The following SRPK2 variants were observed in gnomAD, a reference collection of about 807,000 sequenced individuals.
SRPK2 encodes SRSF protein kinase 2, also known as SFRS protein kinase 2.
Under a neutral mutation model 90.8 loss-of-function variants are expected in SRPK2, and 21 were observed. The ratio of observed to expected loss-of-function variants is 0.23; its 90% CI spans 0.16 to 0.33. The LOEUF is 0.33. Ranked by LOEUF, SRPK2 falls within the 10% of genes least tolerant of loss-of-function variation. The pLI is 1.00. For synonymous variants in SRPK2, 288 were observed against 311.1 expected (o/e 0.93, Z 0.78); for missense variants, 620 against 869.0 (o/e 0.71, Z 3.60).
At chr7:105,343,647 A>C (rs1409915843) in intron 2 of SRPK2, among the ~76,000 whole-genome samples, 6 of 152,220 alleles carry the variant, frequency 3.9e-5, no homozygotes, top group Non-Finnish European at 8.8e-5. Flanking sequence ...CTAACAGTGC[A>C]TTTCCATTTT....
At chr7:105,214,198 T>C (rs1387108459) in intron 2 of SRPK2, among the ~76,000 whole-genome samples, 1 of 152,230 alleles carries the variant, frequency 6.6e-6, no homozygotes, top group African/African-American at 2.4e-5. Context: ...TGCTGCAGGC[T>C]CTAGATGCTG....
chr7:105,174,381 A>T (rs1010792151), intron 3 of SRPK2, among the ~76,000 whole-genome samples: 9 of 152,198 alleles, frequency 5.9e-5, no homozygotes, highest in Non-Finnish European at 8.8e-5. Context: ...ACTCCATGAC[A>T]ATGTTCTGGA....
chr7:105,194,520 G>C (rs1041007229), intron 3 of SRPK2, among the ~76,000 whole-genome samples: 3 of 152,174 alleles, frequency 2.0e-5, no homozygotes, highest in Admixed American at 2.0e-4. Context: ...AGGCCACGTG[G>C]TTGGTGCATA....
chr7:105,366,212 C>T (rs150912568), intron 2 of SRPK2, among the ~76,000 whole-genome samples: 111 of 152,104 alleles, frequency 7.3e-4, no homozygotes, highest in African/African-American at 2.6e-3. Context: ...GCTTCTCCTG[C>T]TATCTCCTCA....
At chr7:105,249,030 AT>A (rs1802123176) in intron 2 of SRPK2, among the ~76,000 whole-genome samples, 2 of 152,186 alleles carry the variant, frequency 1.3e-5, no homozygotes, top group Admixed American at 6.5e-5. Flanking sequence ...TGTCTGTTCT[AT>A]TTGATGACCA....
chr7:105,302,791 A>G (rs1432207193), intron 2 of SRPK2, among the ~76,000 whole-genome samples: 1 of 152,204 alleles, frequency 6.6e-6, no homozygotes, highest in East Asian at 1.9e-4. Flanking sequence ...TTAGTAAGAA[A>G]TGCTGGCCCT....
At chr7:105,145,517 T>A (rs1356726757) in intron 8 of SRPK2, among the ~76,000 whole-genome samples, 1 of 152,180 alleles carries the variant, frequency 6.6e-6, no homozygotes. Context: ...ACAGCAGAAG[T>A]TACTCATACT....
intron 2 of SRPK2, among the ~76,000 whole-genome samples, chr7:105,361,191 G>C (rs1430796079): frequency 2.0e-5 from 3 of 152,040 alleles, no homozygotes; most frequent in Admixed American, 6.6e-5. Flanking sequence ...ATAACACACA[G>C]AGAGCCAAAT....
intron 2 of SRPK2, among the ~76,000 whole-genome samples, chr7:105,312,100 T>G (rs1811768900): frequency 6.6e-6 from 1 of 152,230 alleles, no homozygotes; most frequent in South Asian, 2.1e-4. Flanking sequence ...AAATAAAATG[T>G]ACATGAACAA....
intron 3 of SRPK2, among the ~76,000 whole-genome samples, chr7:105,185,332 T>G (rs1793441262): frequency 6.6e-6 from 1 of 151,814 alleles, no homozygotes; most frequent in African/African-American, 2.4e-5. Flanking sequence ...TTAAAATAAC[T>G]CAGAAAACAG....
intron 2 of SRPK2, among the ~76,000 whole-genome samples, chr7:105,380,156 G>A (rs987178561): frequency 1.3e-5 from 2 of 152,182 alleles, no homozygotes; most frequent in African/African-American, 4.8e-5. Flanking sequence ...CCTTAAGAGG[G>A]AGTTTCACTG....
rs151145630 is a variant in SRPK2 at position 105,396,520 on chromosome 7, A to G, written n.153+2636T>C. On this transcript the variant is annotated intron_variant and non_coding_transcript_variant, in intron 1 of 3. Transcript: ENST00000462282. ...GTGGCAGGTGCCTGTAGTCCCAGCT[A>G]CTTGGAAGGCTGAGGCAGGAGAATG... 2.7e-4 allele frequency among the ~76,000 whole-genome samples: 41 copies of G among 151,928 alleles called. No homozygotes were observed. In the East Asian group the frequency reaches 7.9e-3, roughly 29 times the overall value.
At chr7:105,387,568 G>A (rs1225440032) in intron 2 of SRPK2, among the ~76,000 whole-genome samples, 2 of 149,564 alleles carry the variant, frequency 1.3e-5, no homozygotes, top group African/African-American at 2.5e-5. Context: ...TGAAACTGAA[G>A]GACCAAGGCC....
At chr7:105,274,681 C>T (rs1480956127) in intron 2 of SRPK2, among the ~76,000 whole-genome samples, 3 of 151,814 alleles carry the variant, frequency 2.0e-5, no homozygotes, top group Non-Finnish European at 4.4e-5. Flanking sequence ...TCACCACATC[C>T]AGACAATGAC....
At chr7:105,164,794 G>GA (rs1363761607) in intron 6 of SRPK2, among the ~76,000 whole-genome samples, 1 of 152,050 alleles carries the variant, frequency 6.6e-6, no homozygotes, top group East Asian at 1.9e-4. Context: ...TTAAATCTGG[G>GA]AAAAAGCCTT....
chr7:105,220,481 G>A (rs1797962879), intron 2 of SRPK2, among the ~76,000 whole-genome samples: 3 of 152,118 alleles, frequency 2.0e-5, no homozygotes, highest in Non-Finnish European at 2.9e-5. Flanking sequence ...AGCTGAGATC[G>A]CACCACTGCA....
At chr7:105,291,044 CAAAAAAAAAAA>C (rs10684672) in intron 2 of SRPK2, among the ~76,000 whole-genome samples, 18 of 83,796 alleles carry the variant, frequency 2.1e-4, no homozygotes, top group Admixed American at 1.0e-3. Context: ...GACTCCGTCT[CAAAAAAAAAAA>C]AAAAAAAAAA....
At chr7:105,173,766 A>G (rs142240142) in intron 3 of SRPK2, among the ~76,000 whole-genome samples, 13 of 152,332 alleles carry the variant, frequency 8.5e-5, no homozygotes, top group Non-Finnish European at 1.6e-4. Flanking sequence ...TAACACTGCT[A>G]TGGACCCTGC....
At chr7:105,123,200 T>TACCG (rs1188846579) in intron 15 of SRPK2, among the ~76,000 whole-genome samples, 3 of 152,190 alleles carry the variant, frequency 2.0e-5, no homozygotes, top group African/African-American at 7.2e-5. Flanking sequence ...AGAGCTGTAA[T>TACCG]TACATTCCCT....
Sources: gnomAD v4.1 joint callset for allele counts (sites outside exome capture counted in the v4.1 genomes callset) on GRCh38, gnomAD v4.1.1 for gene constraint, MANE v1.5 for transcripts, NCBI Gene and HGNC (gene_info 2026-07-23, HGNC 2026-07-21) for gene names.